SNCAIP: variants seen among roughly 807,000 people sequenced by gnomAD.
SNCAIP encodes the protein synuclein alpha interacting protein, also known as synphilin-1.
Under a neutral mutation model 86.7 loss-of-function variants are expected in SNCAIP, and 43 were observed. The ratio of observed to expected loss-of-function variants is 0.50; its 90% confidence interval spans 0.39 to 0.64. The LOEUF (loss-of-function observed/expected upper bound fraction) is 0.64, where lower values mean the gene tolerates loss of function less well. SNCAIP is among the 30% of genes least tolerant of loss of function. The pLI is 0.00. For missense variants in SNCAIP, 981 were observed against 1,103.1 expected (o/e 0.89, Z 1.57); for synonymous variants, 417 against 427.2 (o/e 0.98, Z 0.29).
intron 3 of SNCAIP, among the ~76,000 whole-genome samples, chr5:122,420,997 T>C (rs2152921638): frequency 6.6e-6 from 1 of 152,360 alleles, no homozygotes; most frequent in Non-Finnish European, 1.5e-5. Context: ...GAAGATTTAA[T>C]GTGTTGTGCA....
intron 1 of SNCAIP, among the ~76,000 whole-genome samples, chr5:122,384,739 A>C (rs1767734803): frequency 6.6e-6 from 1 of 152,170 alleles, no homozygotes; most frequent in Non-Finnish European, 1.5e-5. Context: ...AATATATTAC[A>C]CTGAAGTCCC....
intron 2 of SNCAIP, chr5:122,400,888 C>A (rs1021244879): frequency 3.2e-6 from 4 of 1,236,728 alleles, no homozygotes; most frequent in Non-Finnish European, 4.4e-6. Flanking sequence ...CTGGGAATAA[C>A]CTCTGGAAGA....
intron 2 of SNCAIP, among the ~76,000 whole-genome samples, chr5:122,402,296 G>A (rs1019057048): frequency 6.6e-6 from 1 of 152,120 alleles, no homozygotes; most frequent in Admixed American, 6.6e-5. Flanking sequence ...AAAATGCCTT[G>A]TGTACCTGTG....
Position 122,453,343 on chromosome 5 carries a change from G to C in SNCAIP, c.2754+1742G>C, listed in dbSNP as rs547554227. On this transcript the variant is annotated intron_variant, in intron 10 of 10. Transcript: ENST00000261368. ...TAAATTTCCTGTCATGGTGGAGTGA[G>C]TCAGCCTCCGATCAGAACTAGAACT... 2.0e-5 allele frequency among the ~76,000 whole-genome samples: 3 copies of C among 152,324 alleles called. 1 individual carries two copies. In the South Asian group the frequency reaches 6.2e-4, roughly 32 times the overall value.
Position 122,391,099 on chromosome 5 carries a change from G to T in SNCAIP, c.-36G>T, listed in dbSNP as rs373760014. The T allele has an allele frequency of 1.2e-5, 19 of 1,553,922 alleles. No homozygotes were observed. The highest frequency in any genetic ancestry group is 1.7e-5 in the Non-Finnish European group (19 of 1,125,238). ...TTCTGTCTCGTTCAGGAATTTATAA[G>T]TATTTGACCGTACTCAAAATGTGCA... is the stretch of plus-strand genomic sequence containing the variant. On this transcript the variant is annotated 5_prime_UTR_variant, in exon 2 of 11. Transcript: ENST00000261368.
chr5:122,457,219 T>C (rs1432227195), intron 10 of SNCAIP, among the ~76,000 whole-genome samples: 1 of 152,116 alleles, frequency 6.6e-6, no homozygotes, highest in Non-Finnish European at 1.5e-5. Flanking sequence ...GCCAGGCTGG[T>C]TTTGAACTCC....
intron 2 of SNCAIP, among the ~76,000 whole-genome samples, chr5:122,391,543 G>T (rs904465617): frequency 6.6e-6 from 1 of 152,206 alleles, no homozygotes; most frequent in Non-Finnish European, 1.5e-5. Flanking sequence ...TCCACAGCCA[G>T]CATTTTCTAG....
chr5:122,329,262 CA>C (rs78307168), intron 1 of SNCAIP, among the ~76,000 whole-genome samples: 4,417 of 81,068 alleles, frequency 0.054, 109 homozygotes, highest in African/African-American at 0.13. Flanking sequence ...GGTAATGTGG[CA>C]AAAAAAAAAA....
At chr5:122,312,759 C>G (rs942669148) in intron 1 of SNCAIP, 7 of 152,606 alleles carry the variant, frequency 4.6e-5, no homozygotes, top group Non-Finnish European at 8.8e-5. Flanking sequence ...TTGCTGCCGC[C>G]CCTCGCTCAT....
At chr5:122,429,507 A>G (rs1777974454) in intron 5 of SNCAIP, among the ~76,000 whole-genome samples, 1 of 151,986 alleles carries the variant, frequency 6.6e-6, no homozygotes, top group Non-Finnish European at 1.5e-5. Flanking sequence ...GAAATCAGAA[A>G]TGTTGCCTCA....
intron 7 of SNCAIP, chr5:122,444,132 G>A (rs917231570): frequency 8.7e-6 from 4 of 458,054 alleles, no homozygotes; most frequent in African/African-American, 6.0e-5. Flanking sequence ...ATAAACAGGT[G>A]TTATTTCAAA....
At chr5:122,353,593 C>T (rs1039936791) in intron 1 of SNCAIP, among the ~76,000 whole-genome samples, 1 of 152,074 alleles carries the variant, frequency 6.6e-6, no homozygotes, top group Non-Finnish European at 1.5e-5. Flanking sequence ...GGGGGCGGGT[C>T]TTTCTTGTGC....
chr5:122,443,190 C>T (rs551157673), intron 7 of SNCAIP, among the ~76,000 whole-genome samples: 1 of 152,218 alleles, frequency 6.6e-6, no homozygotes, highest in Admixed American at 6.5e-5. Flanking sequence ...CCTTACTGAC[C>T]TCTCAGTCTA....
intron 1 of SNCAIP, among the ~76,000 whole-genome samples, chr5:122,352,363 C>T (rs1158505259): frequency 6.6e-6 from 1 of 152,102 alleles, no homozygotes; most frequent in Non-Finnish European, 1.5e-5. Context: ...TTCTATTGGG[C>T]TCTCATTAAT....
intron 1 of SNCAIP, among the ~76,000 whole-genome samples, chr5:122,379,693 CATT>C (rs1766233976): frequency 6.6e-6 from 1 of 151,768 alleles, no homozygotes; most frequent in Non-Finnish European, 1.5e-5. Flanking sequence ...AGATAGCTCT[CATT>C]ATTTTGAAAT....
At chr5:122,417,068 T>C in intron 3 of SNCAIP, among the ~76,000 whole-genome samples, 1 of 152,226 alleles carries the variant, frequency 6.6e-6, no homozygotes, top group Non-Finnish European at 1.5e-5. Context: ...GCTAATTTTC[T>C]AATACGGACA....
intron 2 of SNCAIP, among the ~76,000 whole-genome samples, chr5:122,395,543 C>G (rs535677899): frequency 6.6e-6 from 1 of 152,230 alleles, no homozygotes; most frequent in Admixed American, 6.5e-5. Context: ...GTTCATTTTC[C>G]TAAGGTGCTT....
At chr5:122,367,885 T>C (rs1242467433) in intron 1 of SNCAIP, among the ~76,000 whole-genome samples, 2 of 152,086 alleles carry the variant, frequency 1.3e-5, no homozygotes, top group Non-Finnish European at 2.9e-5. Flanking sequence ...TATATATACA[T>C]ACAAACACAC....
intron 3 of SNCAIP, among the ~76,000 whole-genome samples, chr5:122,404,887 G>A (rs2152878150): frequency 6.6e-6 from 1 of 152,170 alleles, no homozygotes. Flanking sequence ...GTTTATCTTG[G>A]TGTTTTTTTG....
Sources: gnomAD v4.1 joint callset for allele counts (sites outside exome capture counted in the v4.1 genomes callset) on GRCh38, gnomAD v4.1.1 for gene constraint, MANE v1.5 for transcripts, NCBI Gene and HGNC (gene_info 2026-07-23, HGNC 2026-07-21) for gene names.